The following ERBB4 variants were observed in gnomAD, a reference collection of about 807,000 sequenced individuals.
ERBB4 encodes receptor tyrosine-protein kinase erbB-4.
Under a neutral mutation model 158.0 loss-of-function variants are expected in ERBB4, and 42 were observed. The ratio of observed to expected loss-of-function variants is 0.27; its 90% CI spans 0.21 to 0.34. The LOEUF is 0.34. Ranked by LOEUF, ERBB4 falls within the 10% of genes least tolerant of loss-of-function variation. The pLI is 1.00. For synonymous variants in ERBB4, 583 were observed against 558.7 expected, an observed-to-expected ratio of 1.04 and a Z score of -0.61; for missense variants, 1,333 against 1,624.1, an observed-to-expected ratio of 0.82 and a Z score of 3.08.
intron 9 of ERBB4, among the ~76,000 whole-genome samples, chr2:211,707,675 A>G (rs1350995202): frequency 6.6e-6 from 1 of 152,142 alleles, no homozygotes; most frequent in East Asian, 1.9e-4. Context: ...ATGAAAGAAA[A>G]GTTTTCCTAA....
intron 12 of ERBB4, among the ~76,000 whole-genome samples, chr2:211,684,235 T>C (rs949497131): frequency 6.6e-6 from 1 of 152,146 alleles, no homozygotes; most frequent in Non-Finnish European, 1.5e-5. Flanking sequence ...GTGGATCATC[T>C]GAAGTCAGGA....
chr2:211,796,750 T>C (rs957453674), intron 3 of ERBB4, among the ~76,000 whole-genome samples: 2 of 151,952 alleles, frequency 1.3e-5, no homozygotes, highest in African/African-American at 4.8e-5. Context: ...GATTTATTTC[T>C]GTTTACTCCA....
chr2:211,746,116 G>C (rs1277685637), intron 5 of ERBB4, among the ~76,000 whole-genome samples: 1 of 152,092 alleles, frequency 6.6e-6, no homozygotes, highest in Non-Finnish European at 1.5e-5. Context: ...ATGTTAACTT[G>C]TATACTATTC....
intron 25 of ERBB4, among the ~76,000 whole-genome samples, chr2:211,414,556 T>G (rs1254930602): frequency 6.6e-6 from 1 of 150,534 alleles, no homozygotes; most frequent in Non-Finnish European, 1.5e-5. Context: ...GAAAATACAA[T>G]TTTAATGCAT....
At chr2:212,332,575 A>G (rs1374626189) in intron 1 of ERBB4, among the ~76,000 whole-genome samples, 2 of 152,034 alleles carry the variant, frequency 1.3e-5, no homozygotes, top group Non-Finnish European at 2.9e-5. Context: ...ATAATTAATT[A>G]ATATAAGTAA....
intron 2 of ERBB4, among the ~76,000 whole-genome samples, chr2:212,015,353 T>G (rs180720096): frequency 6.6e-6 from 1 of 151,746 alleles, no homozygotes; most frequent in East Asian, 1.9e-4. Context: ...AAAATGTAAA[T>G]CTGTTTTTTG....
At chr2:211,719,449 G>GT (rs57393317) in intron 7 of ERBB4, among the ~76,000 whole-genome samples, 104,996 of 151,872 alleles carry the variant, frequency 0.69, 36,654 homozygotes, top group Non-Finnish European at 0.73. Flanking sequence ...TGTGTCTTTA[G>GT]TACTGTGTTC....
chr2:211,499,128 A>G (rs138153608), intron 20 of ERBB4, among the ~76,000 whole-genome samples: 1 of 152,138 alleles, frequency 6.6e-6, no homozygotes, highest in Non-Finnish European at 1.5e-5. Flanking sequence ...TCCTCCTCAT[A>G]CTCAATATTC....
At chr2:212,311,410 C>G (rs550272842) in intron 1 of ERBB4, among the ~76,000 whole-genome samples, 56 of 150,920 alleles carry the variant, frequency 3.7e-4, no homozygotes, top group Admixed American at 6.6e-4. Context: ...TGTTAACACA[C>G]CCATCCTGAG....
chr2:211,563,021 T>A (rs1415335275), intron 19 of ERBB4, among the ~76,000 whole-genome samples: 2 of 152,152 alleles, frequency 1.3e-5, no homozygotes, highest in Non-Finnish European at 2.9e-5. Context: ...TCCGCCCGCC[T>A]CGGCCTCCCA....
chr2:211,653,585 T>C (rs758302868), intron 16 of ERBB4, among the ~76,000 whole-genome samples: 1 of 151,588 alleles, frequency 6.6e-6, no homozygotes, highest in Non-Finnish European at 1.5e-5. Context: ...ACATGCTCAA[T>C]GTAATTTTCT....
chr2:211,416,604 G>T (rs1261544928), intron 25 of ERBB4, among the ~76,000 whole-genome samples: 1 of 152,110 alleles, frequency 6.6e-6, no homozygotes, highest in Non-Finnish European at 1.5e-5. Context: ...TAACAACCCA[G>T]GAAGCTACAC....
intron 1 of ERBB4, among the ~76,000 whole-genome samples, chr2:212,408,756 CA>C (rs567404876): frequency 9.3e-4 from 142 of 152,246 alleles, no homozygotes; most frequent in Non-Finnish European, 1.7e-3. Flanking sequence ...AGGATTTTTT[CA>C]AAGCTTCCCA....
chr2:212,487,389 A>C (rs915766256), intron 1 of ERBB4, among the ~76,000 whole-genome samples: 1 of 152,144 alleles, frequency 6.6e-6, no homozygotes, highest in Non-Finnish European at 1.5e-5. Flanking sequence ...AATCCTTATC[A>C]GAATATAAAA....
In ERBB4 at chr2:211,525,344, A is replaced by AC. The variant is rs2066317731; in HGVS notation, c.2487+36558dup. Among the ~76,000 whole-genome samples the AC allele has an allele frequency of 2.6e-5, 4 of 152,132 alleles. No individual in the cohort carries two copies. The South Asian group carries it at 8.3e-4, about 31-fold the overall frequency. ...AGGATTTCTGTCTTTCATCTTGGAT[A>AC]CCAGCTCAGCCACAGTAGGATAGGG... On this transcript the variant is annotated intron_variant, in intron 20 of 27. Coordinates refer to ENST00000342788, the MANE Select transcript of ERBB4 (RefSeq NM_005235.3).
chr2:211,715,438 C>G (rs2073861638), intron 7 of ERBB4, among the ~76,000 whole-genome samples: 1 of 152,178 alleles, frequency 6.6e-6, no homozygotes, highest in Non-Finnish European at 1.5e-5. Context: ...CAACCTGCAA[C>G]AGGTGCATAC....
At chr2:212,363,704 A>G (rs1009626736) in intron 1 of ERBB4, among the ~76,000 whole-genome samples, 1 of 151,690 alleles carries the variant, frequency 6.6e-6, no homozygotes, top group Non-Finnish European at 1.5e-5. Flanking sequence ...TTTGTTAGAT[A>G]ATTCATTTTA....
At chr2:211,856,366 C>CTATTTATTTATTTATTTATT (rs33972622) in intron 3 of ERBB4, among the ~76,000 whole-genome samples, 20 of 140,698 alleles carry the variant, frequency 1.4e-4, no homozygotes, top group East Asian at 8.5e-4. Flanking sequence ...CTTGTAATTT[C>CTATTTATTTATTTATTTATT]TATTTATTTA....
intron 2 of ERBB4, among the ~76,000 whole-genome samples, chr2:212,024,359 T>C (rs2076726017): frequency 6.6e-6 from 1 of 152,006 alleles, no homozygotes; most frequent in African/African-American, 2.4e-5. Context: ...GTTAATGTTA[T>C]CTTTATATTA....
Sources: allele counts gnomAD v4.1 joint callset (sites outside exome capture counted in the v4.1 genomes callset), GRCh38; gene constraint gnomAD v4.1.1; transcripts MANE v1.5; gene names NCBI Gene and HGNC (gene_info 2026-07-23, HGNC 2026-07-21).